FAM167A: variants seen among roughly 807,000 people sequenced by gnomAD.
FAM167A encodes protein FAM167A.
Under a neutral mutation model 14.9 loss-of-function variants are expected in FAM167A, and 23 were observed. That is an observed-to-expected ratio of 1.55 (90% CI 1.11 to 2.19). The LOEUF (loss-of-function observed/expected upper bound fraction) is 2.19, where lower values mean the gene tolerates loss of function less well. Ranked by LOEUF, FAM167A falls within the 30% of genes most tolerant of loss-of-function variation. FAM167A has a pLI of 0.00. For synonymous variants in FAM167A, 174 were observed against 117.7 expected, an observed-to-expected ratio of 1.48 and a Z score of -3.10; for missense variants, 401 against 281.5, an observed-to-expected ratio of 1.42 and a Z score of -3.04.
intron 1 of FAM167A, among the ~76,000 whole-genome samples, chr8:11,474,357 G>C (rs984479126): frequency 6.6e-6 from 1 of 152,234 alleles, no homozygotes; most frequent in African/African-American, 2.4e-5. Flanking sequence ...AGGTAGCCCT[G>C]TTTGGAACCT....
rs551684664 is a variant in FAM167A at position 11,445,491 on chromosome 8, G to T, written c.-397-683C>A. Reference sequence around the variant, plus strand: ...GAAGAAGGCGGTGGCACCTGGGCTGGATGGCTAAACAAGCAGGCTGTGACT... The same window carrying T: ...GAAGAAGGCGGTGGCACCTGGGCTGTATGGCTAAACAAGCAGGCTGTGACT... On this transcript the variant is annotated intron_variant, in intron 1 of 2. Transcript: ENST00000284486. The T allele has an allele frequency of 7.1e-6, 7 of 985,726 alleles. No individual in the cohort carries two copies. The South Asian group carries it at 3.3e-4, about 46-fold the overall frequency. The allele number at this position is 985,726 out of a possible 1,614,324, so 61.1% of individuals were successfully genotyped here. A position where few individuals can be genotyped will look rare whatever the true frequency, so the allele number is the denominator to read the frequency against.
chr8:11,440,331 A>T (rs1339524378), intron 2 of FAM167A, among the ~76,000 whole-genome samples: 1 of 152,214 alleles, frequency 6.6e-6, no homozygotes, highest in Non-Finnish European at 1.5e-5. Context: ...TTGAATCCCC[A>T]ACACATTAGC....
rs1373111398 is a variant in FAM167A at position 11,444,261 on chromosome 8, C to T, written c.151G>A (p.Ala51Thr). ...GGCCAGGTATGCTCCTCCAGCCTGGCCTGCCATTCCAGGTAGGAGGGCCTG... is the reference window on the plus strand; with the variant it reads ...GGCCAGGTATGCTCCTCCAGCCTGGTCTGCCATTCCAGGTAGGAGGGCCTG... ...TRRPSYLEWQ[A>T]RLEEHTWPFP... Residue 51 changes from alanine to threonine, a missense_variant, in exon 2 of 3, where the codon GCC (alanine) becomes ACC (threonine). Physicochemically the swap from Ala to Thr is moderately conservative, Grantham distance 58. Transcript: ENST00000284486. 6.2e-7 allele frequency: 1 copy of T among 1,611,264 alleles called. No homozygotes were observed. The highest frequency in any genetic ancestry group is 8.5e-7 in the Non-Finnish European group (1 of 1,179,460).
intron 2 of FAM167A, among the ~76,000 whole-genome samples, chr8:11,439,614 G>A (rs180675964): frequency 8.5e-5 from 13 of 152,290 alleles, no homozygotes; most frequent in Non-Finnish European, 1.8e-4. Context: ...GCGGGGGGAG[G>A]GAGGAGACTG....
chr8:11,453,664 C>T (rs1448627213), intron 1 of FAM167A, among the ~76,000 whole-genome samples: 9 of 152,108 alleles, frequency 5.9e-5, no homozygotes, highest in African/African-American at 1.9e-4. Context: ...TGTGACCCTC[C>T]CCATGGTCTA....
intron 1 of FAM167A, among the ~76,000 whole-genome samples, chr8:11,463,843 G>A (rs1364610785): frequency 6.6e-6 from 1 of 152,212 alleles, no homozygotes; most frequent in Non-Finnish European, 1.5e-5. Context: ...GGGCACCCGA[G>A]GGACCTTCTG....
rs1233273941 is a variant in FAM167A at position 11,421,477 on chromosome 8, T to A, written c.*2896A>T. ...AAAAGGACAAGCATTTTTCTCTCCT[T>A]TTATTTTTATATGGATATCTTCTTT... On this transcript the variant is annotated 3_prime_UTR_variant, in exon 3 of 3. Transcript: ENST00000284486. The A allele has an allele frequency of 6.0e-6, 2 of 332,164 alleles. No individual in the cohort carries two copies. The highest frequency in any genetic ancestry group is 4.2e-5 in the African/African-American group (2 of 47,302). The allele number at this position is 332,164 out of a possible 1,614,324, so 20.6% of individuals were successfully genotyped here. A position where few individuals can be genotyped will look rare whatever the true frequency, so the allele number is the denominator to read the frequency against.
chr8:11,427,351 T>C (rs1474000027), intron 2 of FAM167A, among the ~76,000 whole-genome samples: 1 of 152,232 alleles, frequency 6.6e-6, no homozygotes, highest in African/African-American at 2.4e-5. Context: ...GAGCGCCTTC[T>C]GTAAGCAGCA....
chr8:11,471,817 G>T (rs138175053), upstream of FAM167A, among the ~76,000 whole-genome samples: 340 of 152,230 alleles, frequency 2.2e-3, no homozygotes, highest in Middle Eastern at 3.4e-3. Flanking sequence ...CCACGTTCAG[G>T]CCTGTGTGGC....
chr8:11,429,724 G>A (rs543261108), intron 2 of FAM167A, among the ~76,000 whole-genome samples: 1 of 152,306 alleles, frequency 6.6e-6, no homozygotes, highest in East Asian at 1.9e-4. Context: ...TGGGCCCAGG[G>A]GTGGCAGAAA....
chr8:11,422,157 C>T lies in FAM167A; in HGVS notation c.*2216G>A, dbSNP rs575100838. On this transcript the variant is annotated 3_prime_UTR_variant, in exon 3 of 3. Coordinates refer to ENST00000284486, the MANE Select transcript of FAM167A (RefSeq NM_053279.3). ...AGCAAGCACTGGGTTACCCAAGCAA[C>T]TAAATCACTCAGTTGCATCCAACTT... 6.6e-5 allele frequency: 16 copies of T among 242,116 alleles called. No homozygotes were observed. The highest frequency in any genetic ancestry group is 3.6e-4 in the African/African-American group (16 of 44,868). 15.0% of individuals were successfully genotyped at this position (242,116 alleles called of 1,614,324 possible).
At chr8:11,453,728 T>G (rs1303014252) in intron 1 of FAM167A, among the ~76,000 whole-genome samples, 2 of 151,780 alleles carry the variant, frequency 1.3e-5, no homozygotes, top group Non-Finnish European at 1.5e-5. Flanking sequence ...CCCCCCGAGA[T>G]AGCCAGCTCT....
chr8:11,448,181 G>A (rs974230611), intron 1 of FAM167A, among the ~76,000 whole-genome samples: 3 of 145,060 alleles, frequency 2.1e-5, no homozygotes, highest in African/African-American at 5.1e-5. Context: ...GCGACAGGGC[G>A]AGACTCTGTC....
upstream of FAM167A, among the ~76,000 whole-genome samples, chr8:11,470,312 T>C (rs2736322): frequency 0.89 from 135,440 of 152,072 alleles, 60,497 homozygotes; most frequent in East Asian, 1. Flanking sequence ...TGTGGTGTCT[T>C]GGGGAAGGGT....
chr8:11,468,055 G>C (rs1445704415), upstream of FAM167A, among the ~76,000 whole-genome samples: 1 of 152,076 alleles, frequency 6.6e-6, no homozygotes, highest in African/African-American at 2.4e-5. Flanking sequence ...GCCCTACCCA[G>C]TTCTGGGACC....
At chr8:11,427,677 T>C (rs10503422) in intron 2 of FAM167A, among the ~76,000 whole-genome samples, 33,663 of 152,190 alleles carry the variant, frequency 0.22, 3,848 homozygotes, top group Middle Eastern at 0.45. Flanking sequence ...TCGTTTTTTA[T>C]GCACTTGTAC....
intron 2 of FAM167A, among the ~76,000 whole-genome samples, chr8:11,428,493 A>T (rs549143631): frequency 6.6e-6 from 1 of 152,232 alleles, no homozygotes; most frequent in Non-Finnish European, 1.5e-5. Flanking sequence ...CAGCTTCAAC[A>T]GGGATGGTGA....
intron 2 of FAM167A, among the ~76,000 whole-genome samples, chr8:11,428,090 T>A (rs1204362269): frequency 1.3e-5 from 2 of 149,866 alleles, no homozygotes; most frequent in Non-Finnish European, 3.0e-5. Flanking sequence ...TGACAATAGA[T>A]CTTTTTGAAA....
intron 1 of FAM167A, among the ~76,000 whole-genome samples, chr8:11,475,320 G>T (rs998126015): frequency 6.6e-6 from 1 of 152,150 alleles, no homozygotes; most frequent in Non-Finnish European, 1.5e-5. Flanking sequence ...GAAGGACTTG[G>T]ATTTTCTTAG....
Sources: gnomAD v4.1 joint callset for allele counts (sites outside exome capture counted in the v4.1 genomes callset) on GRCh38, gnomAD v4.1.1 for gene constraint, MANE v1.5 for transcripts, NCBI Gene and HGNC (gene_info 2026-07-23, HGNC 2026-07-21) for gene names.